Variants in LSM14B observed in about 807,000 individuals in gnomAD.
LSM14B encodes the protein protein LSM14 homolog B.
Under a neutral mutation model 42.1 loss-of-function variants are expected in LSM14B, and 8 were observed. The ratio of observed to expected loss-of-function variants is 0.19; its 90% CI spans 0.11 to 0.34. The LOEUF (loss-of-function observed/expected upper bound fraction) is 0.34, where lower values mean the gene tolerates loss of function less well. Ranked by LOEUF, LSM14B falls within the 10% of genes least tolerant of loss-of-function variation. LSM14B has a pLI of 1.00. For synonymous variants in LSM14B, 219 were observed against 209.7 expected, an observed-to-expected ratio of 1.04 and a Z score of -0.38; for missense variants, 396 against 513.1, an observed-to-expected ratio of 0.77 and a Z score of 2.21.
intron 8 of LSM14B, 24 bp downstream of exon 8, chr20:62,133,499 G>C: frequency 6.2e-7 from 1 of 1,600,048 alleles, no homozygotes; most frequent in African/African-American, 1.4e-5. Context: ...CCTTCTGGAC[G>C]CTTTGGTGGG....
intron 7 of LSM14B, among the ~76,000 whole-genome samples, chr20:62,132,061 T>G (rs1005580284): frequency 6.6e-6 from 1 of 152,216 alleles, no homozygotes; most frequent in African/African-American, 2.4e-5. Context: ...TCCTGCAGAT[T>G]GAGCGCCAGA....
intron 2 of LSM14B, 97 bp downstream of exon 2, chr20:62,124,877 A>T: frequency 8.0e-7 from 1 of 1,246,458 alleles, no homozygotes; most frequent in Non-Finnish European, 1.1e-6. Flanking sequence ...AATGTGAGGA[A>T]TAACCTTTTT....
rs962444340 is a variant in LSM14B, at chr20:62,134,976, T to G, written c.*828T>G. On this transcript the variant is annotated 3_prime_UTR_variant, in exon 9 of 9. Coordinates refer to ENST00000279068, the MANE Select transcript of LSM14B (RefSeq NM_144703.3). ...TCATTGCTGGACTCTGGCCACACACTGGCGTTCTCATCCACTTGGAAACAA... is the reference window on the plus strand; with the variant it reads ...TCATTGCTGGACTCTGGCCACACACGGGCGTTCTCATCCACTTGGAAACAA... 1 of 152,246 alleles carries G rather than the reference T, an allele frequency of 6.6e-6. No individual in the cohort carries two copies. The highest frequency in any genetic ancestry group is 1.9e-4 in the East Asian group (1 of 5,196). 9.4% of individuals were successfully genotyped at this position (152,246 alleles called of 1,614,324 possible). A position where few individuals can be genotyped will look rare whatever the true frequency, so the allele number is the denominator to read the frequency against.
chr20:62,133,333 G>C lies in LSM14B; in HGVS notation c.1030G>C (p.Glu344Gln). 2 of 1,613,702 alleles carry C rather than the reference G, an allele frequency of 1.2e-6. No individual in the cohort carries two copies. The highest frequency in any genetic ancestry group is 8.5e-7 in the Non-Finnish European group (1 of 1,179,704). The change falls in exon 8 of 9, where the codon GAG becomes CAG. Residue 344 changes from glutamate (E) to glutamine (Q), a missense_variant. By Grantham distance (29) the Glu-to-Gln change is conservative (BLOSUM62 2). Transcript: ENST00000279068. The stretch of plus-strand genomic sequence containing the variant: ...GGCCGAAGAGAGGAAGCTCAACACA[G>C]AGACCTTTGGGGTGTCAGGGAGGTT... ...TWAEERKLNTETFGVSGRFLR... is the reference protein window; with the variant it reads ...TWAEERKLNTQTFGVSGRFLR...
chr20:62,133,167 C>T (rs2056815615), intron 7 of LSM14B, 123 bp from the exon 8 acceptor site: 1 of 1,236,280 alleles, frequency 8.1e-7, no homozygotes, highest in Non-Finnish European at 1.1e-6. Context: ...GACGGGGCCG[C>T]CCCTTCCCTG....
intron 3 of LSM14B, chr20:62,129,094 C>A (rs1427383633): frequency 2.0e-6 from 2 of 1,023,692 alleles, no homozygotes; most frequent in Admixed American, 2.4e-5. Flanking sequence ...GGTTCATCCC[C>A]TGTGCGTGGG....
chr20:62,126,381 C>T lies in LSM14B; in HGVS notation c.369C>T (p.Tyr123=), dbSNP rs760721301. ...PYSPFRGMAP[Y]GPLAASSLLS... Reference sequence around the variant, plus strand: ...GCCCTTTCCGAGGGATGGCGCCCTACGGCCCGCTGGCGGCCAGCTCCCTGC... The same window carrying T: ...GCCCTTTCCGAGGGATGGCGCCCTATGGCCCGCTGGCGGCCAGCTCCCTGC... The change falls in exon 3 of 9, where the codon TAC becomes TAT. Residue 123 remains tyrosine, a synonymous_variant. Coordinates refer to ENST00000279068, the MANE Select transcript of LSM14B (RefSeq NM_144703.3). 2.7e-5 allele frequency: 43 copies of T among 1,612,404 alleles called. No individual in the cohort carries two copies. The highest frequency in any genetic ancestry group is 4.5e-5 in the East Asian group (2 of 44,898).
intron 2 of LSM14B, 97 bp from the exon 3 acceptor site, chr20:62,126,207 G>C: frequency 6.4e-7 from 1 of 1,573,102 alleles, no homozygotes; most frequent in Non-Finnish European, 8.7e-7. Flanking sequence ...AGGCTGATGG[G>C]ACGGTGCTTG....
Position 62,134,616 on chromosome 20 carries a change from T to A in LSM14B, c.*468T>A, listed in dbSNP as rs988806258. ...TGGCACCCCACTGCCAAGGGTGGGG[T>A]CTCAGGAGTCAGGCAGGGCCAGCAC... On this transcript the variant is annotated 3_prime_UTR_variant, in exon 9 of 9. Coordinates refer to ENST00000279068, the MANE Select transcript of LSM14B (RefSeq NM_144703.3). The A allele has an allele frequency of 5.1e-6, 1 of 196,224 alleles. No individual in the cohort carries two copies. The highest frequency in any genetic ancestry group is 2.6e-5 in the African/African-American group (1 of 37,794). The allele number at this position is 196,224 out of a possible 1,614,324, so 12.2% of individuals were successfully genotyped here.
chr20:62,133,215 C>G (rs910664254), intron 7 of LSM14B, 75 bp from the exon 8 acceptor site: 1 of 1,557,328 alleles, frequency 6.4e-7, no homozygotes, highest in African/African-American at 1.4e-5. Context: ...TTCCCTGGGC[C>G]GCTCTGAGGA....
intron 8 of LSM14B, 85 bp downstream of exon 8, chr20:62,133,560 C>T (rs2056827274): frequency 2.3e-5 from 34 of 1,453,768 alleles, no homozygotes; most frequent in Non-Finnish European, 2.9e-5. Flanking sequence ...GGGGAGCAGG[C>T]TCGGTTTCCC....
chr20:62,133,581 G>C (rs537013319), intron 8 of LSM14B, 106 bp downstream of exon 8: 443 of 1,326,444 alleles, frequency 3.3e-4, no homozygotes, highest in Non-Finnish European at 4.4e-4. Flanking sequence ...AGGAAGAAGA[G>C]AGGCCCAGAG....
At chr20:62,131,334 C>T (rs746407490) in intron 6 of LSM14B, 22 bp from the exon 7 acceptor site, 17 of 1,572,368 alleles carry the variant, frequency 1.1e-5, no homozygotes, top group Admixed American at 1.8e-5. Context: ...TCCATCTCCA[C>T]GTGTTCTGCT....
chr20:62,129,734 G>A, intron 3 of LSM14B, 51 bp from the exon 4 acceptor site: 21 of 1,518,384 alleles, frequency 1.4e-5, no homozygotes, highest in Non-Finnish European at 1.9e-5. Context: ...GAGATATAAG[G>A]CTTGCTTCTT....
chr20:62,124,960 A>G (rs1416151706), intron 2 of LSM14B, among the ~76,000 whole-genome samples, 180 bp downstream of exon 2: 2 of 151,654 alleles, frequency 1.3e-5, no homozygotes, highest in African/African-American at 4.8e-5. Flanking sequence ...AGCTCATTGC[A>G]ACTTTGGCTT....
chr20:62,126,352 T>C lies in LSM14B; in HGVS notation c.340T>C (p.Tyr114His). Residue 114 changes from tyrosine (Y) to histidine (H), a missense_variant, in exon 3 of 9, where the codon TAC (tyrosine) becomes CAC (histidine). Coordinates refer to ENST00000279068, the MANE Select transcript of LSM14B (RefSeq NM_144703.3). ...CTCGCCCTTCCAGCCGCACGTGCCT[T>C]ACAGCCCTTTCCGAGGGATGGCGCC... is the stretch of plus-strand genomic sequence containing the variant. The part of the protein sequence containing the change: ...SASPFQPHVP[Y>H]SPFRGMAPYG... 3 of 1,613,666 alleles carry C rather than the reference T, an allele frequency of 1.9e-6. No homozygotes were observed. Among genetic ancestry groups the C allele is most frequent in the Non-Finnish European group, 2.5e-6 (3 of 1,179,904 alleles).
chr20:62,132,909 T>G (rs6142960), intron 7 of LSM14B, among the ~76,000 whole-genome samples: 1 of 152,214 alleles, frequency 6.6e-6, no homozygotes, highest in East Asian at 1.9e-4. Flanking sequence ...TATCCTAGCC[T>G]CCTCCTTGTC....
In LSM14B at chr20:62,135,364, A is replaced by G. The variant is rs2056875588; in HGVS notation, c.*1216A>G. On this transcript the variant is annotated 3_prime_UTR_variant, in exon 9 of 9. Transcript: ENST00000279068. ...AATTGTAATTATAAATAAACATGCAAACCTTTAAAATTTTCTTTTCTGATG... is the reference window on the plus strand; with the variant it reads ...AATTGTAATTATAAATAAACATGCAGACCTTTAAAATTTTCTTTTCTGATG... The G allele has an allele frequency of 6.6e-6, 1 of 152,196 alleles. No homozygotes were observed. The highest frequency in any genetic ancestry group is 1.5e-5 in the Non-Finnish European group (1 of 68,042). The allele number at this position is 152,196 out of a possible 1,614,324, so 9.4% of individuals were successfully genotyped here.
chr20:62,131,387 C>A lies in LSM14B; in HGVS notation c.867C>A (p.Asp289Glu), dbSNP rs1370069428. 4 of 1,609,214 alleles carry A rather than the reference C, an allele frequency of 2.5e-6. No individual in the cohort carries two copies. Among genetic ancestry groups the A allele is most frequent in the Non-Finnish European group, 3.4e-6 (4 of 1,177,420 alleles). Residue 289 changes from aspartate to glutamate, a missense_variant, in exon 7 of 9, where the codon GAC (aspartate) becomes GAA (glutamate). Physicochemically the swap from Asp to Glu is conservative, Grantham distance 45. Around this residue, in one of 3 missense-constraint regions of LSM14B, gnomAD observed 118 missense variants for 156.4 expected, o/e 0.75. Coordinates refer to ENST00000279068, the MANE Select transcript of LSM14B (RefSeq NM_144703.3). ...DDKAEKGEEK[D>E]LAVVTQSAEA... ...AGGCTGAGAAGGGGGAAGAGAAGGA[C>A]CTGGCTGTGGTGACCCAGAGTGCCG... is the stretch of plus-strand genomic sequence containing the variant.
Sources: gnomAD v4.1 joint callset for allele counts (sites outside exome capture counted in the v4.1 genomes callset) on GRCh38, gnomAD v4.1.1 for gene constraint, gnomAD v4.1.1 regional missense constraint, MANE v1.5 for transcripts, NCBI Gene and HGNC (gene_info 2026-07-23, HGNC 2026-07-21) for gene names.